Variants in FRAS1 observed in about 807,000 individuals in gnomAD.
FRAS1 encodes the protein extracellular matrix organizing protein FRAS1.
In FRAS1, 290 loss-of-function variants were observed where a neutral mutation model predicts 435.2. The ratio of observed to expected loss-of-function variants is 0.67; its 90% confidence interval spans 0.61 to 0.73. The LOEUF is 0.73. Ranked by LOEUF, FRAS1 falls within the 30% of genes least tolerant of loss-of-function variation. FRAS1 has a pLI of 0.00. For missense variants in FRAS1, 4,860 were observed against 5,001.5 expected, an observed-to-expected ratio of 0.97 and a Z score of 0.85; for synonymous variants, 1,800 against 1,851.0, an observed-to-expected ratio of 0.97 and a Z score of 0.71.
intron 14 of FRAS1, among the ~76,000 whole-genome samples, chr4:78,289,090 A>G (rs914934661): frequency 2.6e-5 from 4 of 152,196 alleles, no homozygotes; most frequent in Non-Finnish European, 5.9e-5. Context: ...CCTGATTAAT[A>G]TTCATGTTCA....
At position 78,446,732 on chromosome 4, in the gene FRAS1, G is replaced by A. The variant is rs200547348; in HGVS notation, c.5862G>A (p.Lys1954=). 13 of 1,612,372 alleles carry A rather than the reference G, an allele frequency of 8.1e-6. No homozygotes were observed. In the Admixed American group the frequency reaches 1.3e-4, roughly 17 times the overall value. ...ATAGTTTATGCTTTAATCAGAGGAA[G>A]AACGATGAGCCTCCCAGGATGACCT... The part of the protein sequence containing the change: ...IHSINITIER[K]NDEPPRMTLQ... Residue 1954 remains lysine (K), a synonymous_variant, in exon 43 of 74, where the codon AAG becomes AAA. Coordinates refer to ENST00000512123, the MANE Select transcript of FRAS1 (RefSeq NM_025074.7).
At position 78,308,098 on chromosome 4, in the gene FRAS1, C is replaced by G. The variant is rs1336236083; in HGVS notation, c.1567C>G (p.Pro523Ala). 3 of 1,613,558 alleles carry G rather than the reference C, an allele frequency of 1.9e-6. No individual in the cohort carries two copies. The highest frequency in any genetic ancestry group is 1.7e-5 in the Admixed American group (1 of 59,998). Residue 523 changes from proline to alanine, a missense_variant, in exon 15 of 74, where the codon CCA (proline) becomes GCA (alanine). Transcript: ENST00000512123. ...TGAGTCCTGTGCAGGTTGCTGGGGC[C>G]CAACGGAGAAGCACTGCTTGGCCTG... ...CHESCAGCWG[P>A]TEKHCLACRD...
chr4:78,349,808 C>A (rs1490711260), intron 20 of FRAS1, among the ~76,000 whole-genome samples: 1 of 24,354 alleles, frequency 4.1e-5, no homozygotes, highest in Non-Finnish European at 7.3e-5. Context: ...GATTTTGTCA[C>A]CACCAGGCCT....
chr4:78,407,464 C>G (rs1733146117), intron 30 of FRAS1, among the ~76,000 whole-genome samples, 199 bp from the exon 31 acceptor site: 1 of 152,034 alleles, frequency 6.6e-6, no homozygotes. Context: ...TAGCAGAAAG[C>G]CTGAGAATTT....
chr4:78,475,606 G>C lies in FRAS1; in HGVS notation c.7851G>C (p.Gln2617His). The C allele has an allele frequency of 6.4e-7, 1 of 1,554,774 alleles. No individual in the cohort carries two copies. The highest frequency in any genetic ancestry group is 8.7e-7 in the Non-Finnish European group (1 of 1,143,376). ...AGGACTATGTAGAGTATGCTGGCCA[G>C]GTAGGTGGGGTAGTGGGGTTGGGGG... ...GQQDYVEYAGQVQFDEREDTK... is the reference protein window; with the variant it reads ...GQQDYVEYAGHVQFDEREDTK... The change falls in exon 54 of 74, where the codon CAG becomes CAC. Residue 2617 changes from glutamine (Q) to histidine (H), a missense_variant and splice_region_variant. By Grantham distance (24) the Gln-to-His change is conservative. Coordinates refer to ENST00000512123, the MANE Select transcript of FRAS1 (RefSeq NM_025074.7).
At chr4:78,453,256 A>G (rs1719081248) in intron 47 of FRAS1, among the ~76,000 whole-genome samples, 1 of 152,176 alleles carries the variant, frequency 6.6e-6, no homozygotes, top group South Asian at 2.1e-4. Flanking sequence ...AGGAAAGAAA[A>G]AGGAGGCAGT....
intron 6 of FRAS1, chr4:78,264,788 T>C (rs994276785): frequency 1.7e-6 from 1 of 579,558 alleles, no homozygotes; most frequent in Non-Finnish European, 3.2e-6. Context: ...TGTGCTTTTC[T>C]TTGTTTTTAA....
intron 4 of FRAS1, among the ~76,000 whole-genome samples, chr4:78,246,050 C>T (rs1380764123): frequency 6.6e-6 from 1 of 152,182 alleles, no homozygotes; most frequent in African/African-American, 2.4e-5. Flanking sequence ...TAAAATTACA[C>T]TTTCTCATTT....
chr4:78,143,706 G>A (rs1461127078), intron 2 of FRAS1, among the ~76,000 whole-genome samples: 2 of 150,638 alleles, frequency 1.3e-5, no homozygotes, highest in African/African-American at 4.9e-5. Flanking sequence ...GACCATCCTG[G>A]GCAACATGAT....
At chr4:78,413,145 G>A in intron 32 of FRAS1, 60 bp downstream of exon 32, 2 of 968,074 alleles carry the variant, frequency 2.1e-6, no homozygotes. Flanking sequence ...ACGCTGATGG[G>A]ATTTGATAGA....
chr4:78,200,208 C>A (rs1722993390), intron 2 of FRAS1, among the ~76,000 whole-genome samples: 1 of 152,184 alleles, frequency 6.6e-6, no homozygotes, highest in South Asian at 2.1e-4. Flanking sequence ...TTGTCAGAAC[C>A]TTATTTTTGC....
chr4:78,093,024 G>A (rs149884663), intron 2 of FRAS1, among the ~76,000 whole-genome samples: 1 of 152,302 alleles, frequency 6.6e-6, no homozygotes, highest in East Asian at 1.9e-4. Flanking sequence ...GTAGCTGGGT[G>A]TCCACCAAGG....
chr4:78,402,137 G>A (rs551757071), intron 30 of FRAS1, among the ~76,000 whole-genome samples: 1 of 152,056 alleles, frequency 6.6e-6, no homozygotes, highest in Admixed American at 6.5e-5. Context: ...TGTGGAAATA[G>A]CAACATGATA....
intron 2 of FRAS1, among the ~76,000 whole-genome samples, chr4:78,148,474 T>A (rs1048904461): frequency 5.3e-5 from 8 of 152,154 alleles, no homozygotes; most frequent in Non-Finnish European, 8.8e-5. Context: ...GTAGGGAAGA[T>A]CCAAAGGGAT....
chr4:78,105,070 G>T (rs1418833649), intron 2 of FRAS1, among the ~76,000 whole-genome samples: 1 of 152,044 alleles, frequency 6.6e-6, no homozygotes, highest in Non-Finnish European at 1.5e-5. Context: ...TGCTTAGAAA[G>T]CCTGCTGTTC....
At position 78,331,096 on chromosome 4, in the gene FRAS1, G is replaced by A. The variant is rs1016532719; in HGVS notation, c.2138-2176G>A. ...TTAAGGAAAATAGAAAAGAACCTAT[G>A]TGAATATCGGGGCAGATTCCCCGAT... On this transcript the variant is annotated intron_variant, in intron 18 of 73. Transcript: ENST00000512123. Among the ~76,000 whole-genome samples the A allele has an allele frequency of 5.9e-5, 9 of 152,200 alleles. 1 individual carries two copies. Among genetic ancestry groups the A allele is most frequent in the African/African-American group, 1.9e-4 (8 of 41,538 alleles).
intron 41 of FRAS1, among the ~76,000 whole-genome samples, chr4:78,442,235 T>C (rs1482183466): frequency 6.6e-6 from 1 of 152,246 alleles, no homozygotes; most frequent in African/African-American, 2.4e-5. Flanking sequence ...CAGAATTAGG[T>C]TTATTTCAAC....
At chr4:78,104,459 T>A (rs1742288764) in intron 2 of FRAS1, among the ~76,000 whole-genome samples, 1 of 152,252 alleles carries the variant, frequency 6.6e-6, no homozygotes, top group South Asian at 2.1e-4. Flanking sequence ...CTGGGGCACA[T>A]ACACTGATCT....
chr4:78,133,468 G>A (rs1324654990), intron 2 of FRAS1, among the ~76,000 whole-genome samples: 3 of 151,836 alleles, frequency 2.0e-5, no homozygotes, highest in African/African-American at 7.3e-5. Flanking sequence ...GCACAATAGA[G>A]TCACTATGGT....
Sources: gnomAD v4.1 joint callset for allele counts (sites outside exome capture counted in the v4.1 genomes callset) on GRCh38, gnomAD v4.1.1 for gene constraint, MANE v1.5 for transcripts, NCBI Gene and HGNC (gene_info 2026-07-23, HGNC 2026-07-21) for gene names.